MICAL3: variants seen among roughly 807,000 people sequenced by gnomAD.
MICAL3 encodes [F-actin]-monooxygenase MICAL3.
In MICAL3, 62 loss-of-function variants were observed where a neutral mutation model predicts 207.4. The ratio of observed to expected loss-of-function variants is 0.30; its 90% confidence interval spans 0.24 to 0.37. The LOEUF (loss-of-function observed/expected upper bound fraction) is 0.37. Among genes scored for constraint, MICAL3 ranks in the 10% least tolerant of loss-of-function variants. MICAL3 has a pLI of 1.00. For missense variants in MICAL3, 2,368 were observed against 2,635.6 expected (o/e 0.90, Z 2.22); for synonymous variants, 1,077 against 1,069.3 (o/e 1.01, Z -0.14).
intron 17 of MICAL3, among the ~76,000 whole-genome samples, chr22:17,871,388 C>T (rs1320886278): frequency 6.6e-6 from 1 of 152,210 alleles, no homozygotes; most frequent in African/African-American, 2.4e-5. Flanking sequence ...GGCCACCTTG[C>T]AGACATCTCC....
chr22:17,948,337 C>T (rs1934172605), intron 1 of MICAL3, among the ~76,000 whole-genome samples: 1 of 152,230 alleles, frequency 6.6e-6, no homozygotes, highest in Admixed American at 6.5e-5. Context: ...AGAACGGTCA[C>T]TTTGGTGGAC....
At chr22:17,797,332 C>G (rs1367416965) in intron 29 of MICAL3, among the ~76,000 whole-genome samples, 1 of 152,098 alleles carries the variant, frequency 6.6e-6, no homozygotes, top group East Asian at 1.9e-4. Context: ...GAGACCCCGT[C>G]TCTACAACAA....
chr22:17,863,344 C>A, intron 19 of MICAL3: 7 of 985,298 alleles, frequency 7.1e-6, no homozygotes, highest in Non-Finnish European at 8.4e-6. Context: ...TGAAATAGGG[C>A]CCAGACTAAT....
chr22:17,937,360 T>C (rs1407572729), intron 1 of MICAL3, among the ~76,000 whole-genome samples: 3 of 152,198 alleles, frequency 2.0e-5, no homozygotes. Context: ...TTCAGTCCCA[T>C]ACTTATTTAA....
At chr22:17,859,683 G>A (rs982936057) in intron 19 of MICAL3, among the ~76,000 whole-genome samples, 2 of 152,226 alleles carry the variant, frequency 1.3e-5, no homozygotes, top group African/African-American at 2.4e-5. Flanking sequence ...TTGTGCCTGC[G>A]GGCACGCCTG....
chr22:17,863,663 G>A (rs1365502601), intron 19 of MICAL3: 1 of 985,368 alleles, frequency 1.0e-6, no homozygotes, highest in African/African-American at 1.7e-5. Context: ...CACCTGGCTT[G>A]GCTGGGTTCT....
chr22:18,010,965 A>C (rs1296144306), intron 1 of MICAL3, among the ~76,000 whole-genome samples: 1 of 152,222 alleles, frequency 6.6e-6, no homozygotes, highest in African/African-American at 2.4e-5. Flanking sequence ...AAGAAAAAAC[A>C]AACAGGAAGA....
chr22:17,849,860 A>G (rs553648552), intron 19 of MICAL3, among the ~76,000 whole-genome samples: 1 of 147,874 alleles, frequency 6.8e-6, no homozygotes, highest in East Asian at 2.0e-4. Context: ...AGGCTGGATA[A>G]TTTTTATATT....
chr22:17,799,251 G>A (rs571848039), intron 29 of MICAL3, among the ~76,000 whole-genome samples: 19 of 152,202 alleles, frequency 1.2e-4, no homozygotes, highest in African/African-American at 3.4e-4. Flanking sequence ...GTGTGGTGGC[G>A]CACGCCTGTA....
At chr22:17,867,511 A>G (rs1927272520) in intron 17 of MICAL3, among the ~76,000 whole-genome samples, 1 of 152,222 alleles carries the variant, frequency 6.6e-6, no homozygotes, top group African/African-American at 2.4e-5. Flanking sequence ...TTTGTATCTC[A>G]TTCTTTAAGA....
intron 23 of MICAL3, 25 bp downstream of exon 23, chr22:17,822,922 A>G (rs1284255534): frequency 6.7e-7 from 1 of 1,481,758 alleles, no homozygotes; most frequent in South Asian, 1.1e-5. Flanking sequence ...CTCCCACCAC[A>G]GGGGCGGGGA....
At chr22:17,877,315 G>GGGAGGTTAGGGAAGTTAT (rs1928779723) in intron 16 of MICAL3, among the ~76,000 whole-genome samples, 1 of 49,752 alleles carries the variant, frequency 2.0e-5, no homozygotes, top group Non-Finnish European at 3.7e-5. Context: ...ATGGAGGTTA[G>GGGAGGTTAGGGAAGTTAT]GGAGGTTAGG....
chr22:17,801,593 A>G (rs931506697), intron 29 of MICAL3, among the ~76,000 whole-genome samples: 2 of 152,142 alleles, frequency 1.3e-5, no homozygotes, highest in African/African-American at 4.8e-5. Context: ...AAGGGCGGGT[A>G]AAGAAAGCAG....
chr22:17,996,336 C>A (rs567727706), intron 1 of MICAL3, among the ~76,000 whole-genome samples: 1 of 150,808 alleles, frequency 6.6e-6, no homozygotes, highest in Non-Finnish European at 1.5e-5. Flanking sequence ...CCCAGCTACT[C>A]GGGAGGCTGA....
rs114942690 is a variant in MICAL3 at position 17,977,355 on chromosome 22, C to T, written c.-75+46926G>A. On this transcript the variant is annotated intron_variant, in intron 1 of 31. Coordinates refer to ENST00000441493, the MANE Select transcript of MICAL3 (RefSeq NM_015241.3). ...TTACAACTCAATAATAAAAAGGTAA[C>T]CCAACTTTTTAAACAGCCAAAGGAT... is the stretch of plus-strand genomic sequence containing the variant. 6.2e-3 allele frequency among the ~76,000 whole-genome samples: 941 copies of T among 152,068 alleles called. 14 individuals are homozygous for T. The highest frequency in any genetic ancestry group is 0.017 in the African/African-American group (715 of 41,458).
chr22:17,808,594 C>T (rs905159214), intron 29 of MICAL3, among the ~76,000 whole-genome samples: 4 of 152,162 alleles, frequency 2.6e-5, no homozygotes, highest in East Asian at 1.9e-4. Flanking sequence ...ATCAGCATGC[C>T]GGGGACTGAG....
intron 1 of MICAL3, among the ~76,000 whole-genome samples, chr22:18,014,136 C>CACACACACACACAT (rs1556561934): frequency 6.6e-6 from 1 of 151,932 alleles, no homozygotes; most frequent in African/African-American, 2.4e-5. Flanking sequence ...CACACACACA[C>CACACACACACACAT]ACACACATTT....
chr22:17,920,873 C>T (rs79697269), intron 1 of MICAL3, among the ~76,000 whole-genome samples: 8,134 of 152,090 alleles, frequency 0.053, 749 homozygotes, highest in African/African-American at 0.19. Context: ...GTGGAAGCCC[C>T]GAGATTCCCA....
At chr22:17,950,533 C>T (rs1186669832) in intron 1 of MICAL3, among the ~76,000 whole-genome samples, 2 of 151,906 alleles carry the variant, frequency 1.3e-5, no homozygotes, top group African/African-American at 4.8e-5. Context: ...GACAGGGTTT[C>T]ACTATGTTTG....
Sources: gnomAD v4.1 joint callset for allele counts (sites outside exome capture counted in the v4.1 genomes callset) on GRCh38, gnomAD v4.1.1 for gene constraint, MANE v1.5 for transcripts, NCBI Gene and HGNC (gene_info 2026-07-23, HGNC 2026-07-21) for gene names.